The following SYNPR variants were observed in gnomAD, a reference collection of about 807,000 sequenced individuals.
SYNPR encodes the protein synaptoporin.
In SYNPR, 23 loss-of-function variants were observed where a neutral mutation model predicts 32.9. That is an observed-to-expected ratio of 0.70 (90% CI 0.50 to 0.99). The LOEUF (loss-of-function observed/expected upper bound fraction) is 0.99. SYNPR is among the 50% of genes least tolerant of loss of function. The pLI, the probability that SYNPR is intolerant of heterozygous loss-of-function variation, is 0.00. For synonymous variants in SYNPR, 146 were observed against 135.9 expected, an observed-to-expected ratio of 1.07 and a Z score of -0.52; for missense variants, 318 against 349.3, an observed-to-expected ratio of 0.91 and a Z score of 0.71.
intron 2 of SYNPR, among the ~76,000 whole-genome samples, chr3:63,447,152 C>T (rs905867364): frequency 9.9e-5 from 15 of 152,210 alleles, no homozygotes; most frequent in African/African-American, 2.9e-4. Flanking sequence ...TACTAACGGC[C>T]ATCAAACGAA....
intron 2 of SYNPR, among the ~76,000 whole-genome samples, chr3:63,357,273 C>T (rs530920625): frequency 5.3e-5 from 8 of 152,102 alleles, no homozygotes; most frequent in African/African-American, 1.4e-4. Flanking sequence ...CCACCCCAGA[C>T]GTCCCCTTAC....
At chr3:63,276,620 T>TTC (rs1560175989), upstream of SYNPR, among the ~76,000 whole-genome samples, 48 of 142,100 alleles carry the variant, frequency 3.4e-4, no homozygotes, top group Non-Finnish European at 5.5e-4. Context: ...TAGTGTTAGT[T>TTC]CCCCCCACCC....
chr3:63,316,009 GT>G (rs763309073), intron 2 of SYNPR, among the ~76,000 whole-genome samples: 36 of 151,952 alleles, frequency 2.4e-4, no homozygotes, highest in Admixed American at 3.9e-4. Flanking sequence ...TGTTATTTTT[GT>G]TTTTAATTCT....
At chr3:63,250,502 T>C (rs2086322767) in intron 1 of SYNPR, among the ~76,000 whole-genome samples, 1 of 152,136 alleles carries the variant, frequency 6.6e-6, no homozygotes, top group Admixed American at 6.6e-5. Context: ...ACACAACTTT[T>C]TGGGAGAGAG....
chr3:63,233,688 T>C (rs2086181390), intron 1 of SYNPR, among the ~76,000 whole-genome samples: 1 of 148,858 alleles, frequency 6.7e-6, no homozygotes, highest in Admixed American at 6.9e-5. Context: ...AGAATAATAC[T>C]ACGTAAACTT....
chr3:63,517,453 A>AAAGATAGAAAAACGGACACTTCTAG (rs1315417225), intron 3 of SYNPR, among the ~76,000 whole-genome samples: 13 of 152,272 alleles, frequency 8.5e-5, no homozygotes, highest in Admixed American at 7.9e-4. Flanking sequence ...AAAGCACAAA[A>AAAGATAGAAAAACGGACACTTCTAG]AAGATAGAAA....
intron 2 of SYNPR, among the ~76,000 whole-genome samples, chr3:63,364,770 T>C (rs777867701): frequency 3.3e-5 from 5 of 152,094 alleles, no homozygotes; most frequent in Non-Finnish European, 7.4e-5. Flanking sequence ...TGTAAAAAAA[T>C]AGTTGTTTGG....
At position 63,568,357 on chromosome 3, in the gene SYNPR, G is replaced by A. The variant is rs1004784074; in HGVS notation, c.408+11616G>A. Among the ~76,000 whole-genome samples the A allele has an allele frequency of 2.6e-4, 39 of 152,224 alleles. 1 individual carries two copies. Among genetic ancestry groups the A allele is most frequent in the African/African-American group, 8.9e-4 (37 of 41,540 alleles). ...GTATTGCCACCCCATTTTTTACCTG[G>A]AAGTGGAGAAAAAAGCCAAGAATAT... On this transcript the variant is annotated intron_variant, in intron 4 of 5. Transcript: ENST00000478300.
At chr3:63,551,883 A>G in intron 3 of SYNPR, among the ~76,000 whole-genome samples, 1 of 149,726 alleles carries the variant, frequency 6.7e-6, no homozygotes, top group Middle Eastern at 3.4e-3. Context: ...TTATTTATTT[A>G]TTTATTTATT....
At chr3:63,250,310 C>T (rs546353105) in intron 1 of SYNPR, among the ~76,000 whole-genome samples, 3 of 151,750 alleles carry the variant, frequency 2.0e-5, no homozygotes, top group African/African-American at 7.2e-5. Flanking sequence ...TATTACATGT[C>T]AACTAAAAAT....
intron 1 of SYNPR, among the ~76,000 whole-genome samples, chr3:63,235,197 G>C (rs192982656): frequency 1.1e-3 from 171 of 152,238 alleles, no homozygotes; most frequent in Non-Finnish European, 2.0e-3. Context: ...CCAACACAGT[G>C]AGGATCTTTC....
At position 63,464,316 on chromosome 3, in the gene SYNPR, G is replaced by A. The variant is rs1575658055; in HGVS notation, c.85-16516G>A. Among the ~76,000 whole-genome samples, 5 of 152,220 alleles carry A rather than the reference G, an allele frequency of 3.3e-5. No individual in the cohort carries two copies. In the South Asian group the frequency reaches 1.0e-3, roughly 32 times the overall value. On this transcript the variant is annotated intron_variant, in intron 2 of 5. Transcript: ENST00000478300. ...TTTACAAACACTCCCACTGTATGGGGGTTGCAGAGATGAACAAAGGATGGT... is the reference window on the plus strand; with the variant it reads ...TTTACAAACACTCCCACTGTATGGGAGTTGCAGAGATGAACAAAGGATGGT...
At chr3:63,470,865 A>G (rs888999330) in intron 2 of SYNPR, among the ~76,000 whole-genome samples, 22 of 152,220 alleles carry the variant, frequency 1.4e-4, no homozygotes, top group African/African-American at 5.1e-4. Context: ...ACCAGTAGTC[A>G]CCTAGCTCTA....
At chr3:63,331,344 T>C (rs2106983681) in intron 2 of SYNPR, among the ~76,000 whole-genome samples, 1 of 152,324 alleles carries the variant, frequency 6.6e-6, no homozygotes, top group East Asian at 1.9e-4. Context: ...AAATGCCTTT[T>C]AGATAATAAA....
Position 63,246,523 on chromosome 3 carries a change from C to CA in SYNPR, n.67-5975dup, listed in dbSNP as rs560854943. ...ATAAATTCTATATAGAAATATGAGA[C>CA]AGAGTGAAGGAGATAAGAATCTCCT... On this transcript the variant is annotated intron_variant and non_coding_transcript_variant, in intron 1 of 4. Coordinates refer to the SYNPR transcript ENST00000478456. 2.7e-3 allele frequency among the ~76,000 whole-genome samples: 415 copies of CA among 152,128 alleles called. 3 individuals are homozygous for CA. The highest frequency in any genetic ancestry group is 9.5e-3 in the African/African-American group (393 of 41,526).
chr3:63,583,077 C>A (rs1452723875), intron 4 of SYNPR, among the ~76,000 whole-genome samples: 1 of 152,000 alleles, frequency 6.6e-6, no homozygotes, highest in African/African-American at 2.4e-5. Flanking sequence ...AAGTTACAGA[C>A]TGAGGTGGTT....
At chr3:63,545,643 G>A (rs970499166) in intron 3 of SYNPR, 2 of 151,972 alleles carry the variant, frequency 1.3e-5, no homozygotes, top group Non-Finnish European at 1.5e-5. Flanking sequence ...AAAAAGTAAG[G>A]CATGTACAGG....
At chr3:63,431,829 C>G (rs34727861) in intron 2 of SYNPR, among the ~76,000 whole-genome samples, 17,312 of 128,484 alleles carry the variant, frequency 0.13, 1,277 homozygotes, top group Middle Eastern at 0.2. Context: ...TCATAGTTTC[C>G]CTTTTCTTTT....
At chr3:63,612,649 G>T (rs988009688) in intron 5 of SYNPR, among the ~76,000 whole-genome samples, 1 of 152,214 alleles carries the variant, frequency 6.6e-6, no homozygotes, top group South Asian at 2.1e-4. Context: ...CCAGCCAAGA[G>T]ATCTGTGATG....
Sources: allele counts gnomAD v4.1 joint callset (sites outside exome capture counted in the v4.1 genomes callset), GRCh38; gene constraint gnomAD v4.1.1; transcripts MANE v1.5; gene names NCBI Gene and HGNC (gene_info 2026-07-23, HGNC 2026-07-21).